The following HOXB3 variants were observed in gnomAD, a reference collection of about 807,000 sequenced individuals.
HOXB3 encodes homeobox B3.
A neutral mutation model predicts 29.2 loss-of-function variants in HOXB3; 17 were observed. That is an observed-to-expected ratio of 0.58 (90% CI 0.40 to 0.87). HOXB3 has a LOEUF of 0.87. Among genes scored for constraint, HOXB3 ranks in the 40% least tolerant of loss-of-function variants. The pLI, the probability that HOXB3 is intolerant of heterozygous loss-of-function variation, is 0.00. For missense variants in HOXB3, 637 were observed against 616.3 expected (o/e 1.03, Z -0.35); for synonymous variants, 317 against 285.9 (o/e 1.11, Z -1.10).
chr17:48,552,122 C>G lies in HOXB3; in HGVS notation c.353G>C (p.Gly118Ala). Reference protein sequence around the residue: ...GPSKSGPPKCGPGTNSTLTKQ... With the variant: ...GPSKSGPPKCAPGTNSTLTKQ... ...GGTGAGGGTGGAGTTGGTGCCGGGACCGCACTTTGGGGGACCACTTTTGCT... is the reference window on the plus strand; with the variant it reads ...GGTGAGGGTGGAGTTGGTGCCGGGAGCGCACTTTGGGGGACCACTTTTGCT... The change falls in exon 4 of 5, where the codon GGT becomes GCT. Residue 118 changes from glycine (G) to alanine (A), a missense_variant. Transcript: ENST00000498678. 1.2e-6 allele frequency: 2 copies of G among 1,613,860 alleles called. No homozygotes were observed. The highest frequency in any genetic ancestry group is 1.3e-5 in the African/African-American group (1 of 75,042).
At chr17:48,589,042 G>A (rs985181246) in intron 1 of HOXB3, among the ~76,000 whole-genome samples, 4 of 113,538 alleles carry the variant, frequency 3.5e-5, no homozygotes, top group African/African-American at 1.1e-4. Flanking sequence ...TTAAATTGGA[G>A]GGGGGTCAAT....
At chr17:48,558,286 C>T (rs1398462406) in intron 2 of HOXB3, among the ~76,000 whole-genome samples, 2 of 152,052 alleles carry the variant, frequency 1.3e-5, no homozygotes, top group African/African-American at 2.4e-5. Flanking sequence ...CCAGAGACAA[C>T]AGCAGACCCC....
chr17:48,558,221 C>T lies in HOXB3; in HGVS notation c.-246-2603G>A, dbSNP rs111726165. On this transcript the variant is annotated intron_variant, in intron 2 of 4. Transcript: ENST00000498678. ...AGTCCAGAAGGCACCCAGGCAGCCT[C>T]GGGCCGGCTGCAGGAGAAGCGGGCC... Among the ~76,000 whole-genome samples, 181 of 152,274 alleles carry T rather than the reference C, an allele frequency of 1.2e-3. 2 individuals are homozygous for T. The highest frequency in any genetic ancestry group is 4.0e-3 in the African/African-American group (165 of 41,544).
chr17:48,585,461 G>A (rs993011595), intron 1 of HOXB3, among the ~76,000 whole-genome samples: 2 of 152,184 alleles, frequency 1.3e-5, no homozygotes, highest in Non-Finnish European at 2.9e-5. Context: ...CGATGCGGGG[G>A]GGCCCGGGGC....
Position 48,573,860 on chromosome 17 carries a change from G to C in HOXB3, c.-270C>G. Reference sequence around the variant, plus strand: ...ACCTTTGCGCCTCTCGCCTCCTCTCGCCCGAACTCTGCAGATCCCATTCAT... The same window carrying C: ...ACCTTTGCGCCTCTCGCCTCCTCTCCCCCGAACTCTGCAGATCCCATTCAT... On this transcript the variant is annotated 5_prime_UTR_variant, in exon 2 of 5. Transcript: ENST00000498678. The C allele has an allele frequency of 1.4e-6, 1 of 702,130 alleles. No individual in the cohort carries two copies. Among genetic ancestry groups the C allele is most frequent in the South Asian group, 1.5e-5 (1 of 67,580 alleles). The allele number at this position is 702,130 out of a possible 1,614,324, so 43.5% of individuals were successfully genotyped here. A position where few individuals can be genotyped will look rare whatever the true frequency, so the allele number is the denominator to read the frequency against.
At chr17:48,551,281 C>T in intron 4 of HOXB3, 100 bp from the exon 5 acceptor site, 1 of 1,200,876 alleles carries the variant, frequency 8.3e-7, no homozygotes. Context: ...TAAATCCAGG[C>T]CTGGACTCAG....
intron 1 of HOXB3, chr17:48,576,833 C>CA (rs755477319): frequency 6.2e-7 from 1 of 1,614,262 alleles, no homozygotes; most frequent in South Asian, 1.1e-5. Flanking sequence ...TTTTCCACTT[C>CA]ATGCGCCGGT....
At chr17:48,588,810 G>GAATA (rs2144924177) in intron 1 of HOXB3, among the ~76,000 whole-genome samples, 1 of 152,326 alleles carries the variant, frequency 6.6e-6, no homozygotes, top group Admixed American at 6.5e-5. Context: ...AGAGCTCAGG[G>GAATA]AATAGAAAGT....
chr17:48,578,457 G>T, intron 1 of HOXB3: 1 of 1,094,562 alleles, frequency 9.1e-7, no homozygotes, highest in Non-Finnish European at 1.3e-6. Context: ...GCCAATGGCC[G>T]CCCCGCCTGC....
At chr17:48,567,408 C>G (rs563482551) in intron 2 of HOXB3, among the ~76,000 whole-genome samples, 1 of 152,298 alleles carries the variant, frequency 6.6e-6, no homozygotes, top group East Asian at 1.9e-4. Context: ...GTTGGCCTGG[C>G]TCCAGTCAGG....
intron 2 of HOXB3, among the ~76,000 whole-genome samples, chr17:48,567,241 C>T (rs2069419930): frequency 6.6e-6 from 1 of 152,210 alleles, no homozygotes; most frequent in Non-Finnish European, 1.5e-5. Context: ...GAGCGAGCTC[C>T]TGGATGCTGC....
intron 2 of HOXB3, among the ~76,000 whole-genome samples, chr17:48,561,985 G>A (rs1409760506): frequency 2.6e-5 from 4 of 152,292 alleles, no homozygotes; most frequent in East Asian, 1.9e-4. Flanking sequence ...GGGCACCATC[G>A]TCACCAGATT....
chr17:48,577,706 G>A (rs1280638962), intron 1 of HOXB3, among the ~76,000 whole-genome samples: 1 of 152,154 alleles, frequency 6.6e-6, no homozygotes, highest in Admixed American at 6.5e-5. Context: ...TAATTATGTG[G>A]CTCTGAAAAC....
chr17:48,555,323 G>GGAGAGAGAGAGGGAGAGAGAGA (rs2068922035), intron 3 of HOXB3: 1 of 558,682 alleles, frequency 1.8e-6, no homozygotes. Flanking sequence ...AAGAGAGAGG[G>GGAGAGAGAGAGGGAGAGAGAGA]GAGAGAGAGA....
intron 2 of HOXB3, among the ~76,000 whole-genome samples, chr17:48,570,866 C>T (rs2069563307): frequency 6.6e-6 from 1 of 152,170 alleles, no homozygotes; most frequent in Non-Finnish European, 1.5e-5. Flanking sequence ...AGGGCAACTC[C>T]CTGAAACGTT....
Position 48,578,113 on chromosome 17 carries a change from C to T in HOXB3, c.-424-4099G>A, listed in dbSNP as rs557616925. ...GCGGAGGCGGCGGGGGCCCAGGGTC[C>T]CGGCAGGCCGCGTAGCGCTGCACGG... On this transcript the variant is annotated intron_variant, in intron 1 of 4. Coordinates refer to ENST00000498678, the MANE Select transcript of HOXB3 (RefSeq NM_001384749.1). The T allele has an allele frequency of 2.4e-5, 32 of 1,314,656 alleles. No individual in the cohort carries two copies. In the East Asian group the frequency reaches 8.7e-4, roughly 36 times the overall value. 81.4% of individuals were successfully genotyped at this position (1,314,656 alleles called of 1,614,324 possible).
rs543647757 is a variant in HOXB3 at position 48,559,524 on chromosome 17, T to G, written c.-246-3906A>C. The G allele has an allele frequency of 2.0e-5, 3 of 152,394 alleles. 1 individual carries two copies. In the South Asian group the frequency reaches 6.2e-4, roughly 32 times the overall value. The allele number at this position is 152,394 out of a possible 1,614,324, so 9.4% of individuals were successfully genotyped here. ...GTTTTCCAGCTTCACTGCCCAACTTTGTAGCCCTAGAAAAGTGGTGTAAAG... is the reference window on the plus strand; with the variant it reads ...GTTTTCCAGCTTCACTGCCCAACTTGGTAGCCCTAGAAAAGTGGTGTAAAG... On this transcript the variant is annotated intron_variant, in intron 2 of 4. Coordinates refer to ENST00000498678, the MANE Select transcript of HOXB3 (RefSeq NM_001384749.1).
At chr17:48,576,816 TG>T in intron 1 of HOXB3, 1 of 1,614,232 alleles carries the variant, frequency 6.2e-7, no homozygotes, top group Non-Finnish European at 8.5e-7. Context: ...GGGCAACTTG[TG>T]GTCTTTTTTC....
At chr17:48,562,621 C>CG (rs1306172997) in intron 2 of HOXB3, among the ~76,000 whole-genome samples, 1 of 152,128 alleles carries the variant, frequency 6.6e-6, no homozygotes, top group Non-Finnish European at 1.5e-5. Context: ...ACTGAAACCT[C>CG]GGGTTCTTCA....
Sources: allele counts gnomAD v4.1 joint callset (sites outside exome capture counted in the v4.1 genomes callset), GRCh38; gene constraint gnomAD v4.1.1; transcripts MANE v1.5; gene names NCBI Gene and HGNC (gene_info 2026-07-23, HGNC 2026-07-21).